Variants in VPS13A observed in about 807,000 individuals in gnomAD.
The protein encoded by VPS13A is intermembrane lipid transfer protein VPS13A.
VPS13A carries 264 observed loss-of-function variants against 390.9 expected under a neutral mutation model. The ratio of observed to expected loss-of-function variants is 0.68; its 90% confidence interval spans 0.61 to 0.75. The LOEUF is 0.75. Among genes scored for constraint, VPS13A ranks in the 30% least tolerant of loss-of-function variants. The pLI is 0.00. For missense variants in VPS13A, 3,409 were observed against 3,733.9 expected, an observed-to-expected ratio of 0.91 and a Z score of 2.27; for synonymous variants, 1,231 against 1,227.1, an observed-to-expected ratio of 1.00 and a Z score of -0.07.
intron 68 of VPS13A, chr9:77,382,564 G>A: frequency 1.7e-6 from 2 of 1,143,298 alleles, no homozygotes; most frequent in South Asian, 3.9e-5. Flanking sequence ...CATTTCTGTT[G>A]TGGGGTTATT....
Position 77,356,990 on chromosome 9 carries a change from C to T in VPS13A, c.7806+123C>T, listed in dbSNP as rs912027620. ...AAACAAAATAATCCTGTCATACATA[C>T]CTTGTATAAAATGTTTTAAAGAGGT... On this transcript the variant is annotated intron_variant, in intron 55 of 71. Coordinates refer to ENST00000360280, the MANE Select transcript of VPS13A (RefSeq NM_033305.3). 3.3e-5 allele frequency: 36 copies of T among 1,080,594 alleles called. No individual in the cohort carries two copies. The African/African-American group carries it at 5.1e-4, about 15-fold the overall frequency. 66.9% of individuals were successfully genotyped at this position (1,080,594 alleles called of 1,614,324 possible). A position where few individuals can be genotyped will look rare whatever the true frequency, so the allele number is the denominator to read the frequency against.
intron 1 of VPS13A, among the ~76,000 whole-genome samples, chr9:77,195,566 G>A (rs1397445012): frequency 2.0e-5 from 3 of 151,952 alleles, no homozygotes; most frequent in Non-Finnish European, 2.9e-5. Flanking sequence ...ACAAAACCCC[G>A]TCTCTACTAA....
chr9:77,194,999 C>G (rs1264840595), intron 1 of VPS13A, among the ~76,000 whole-genome samples: 1 of 151,814 alleles, frequency 6.6e-6, no homozygotes, highest in African/African-American at 2.4e-5. Flanking sequence ...TATTTTTTTT[C>G]TTTTGTTGCC....
Position 77,356,809 on chromosome 9 carries a change from A to G in VPS13A, c.7748A>G (p.Glu2583Gly). The change falls in exon 55 of 72, where the codon GAA becomes GGA. Residue 2583 changes from glutamate (E) to glycine (G), a missense_variant. Transcript: ENST00000360280. The stretch of plus-strand genomic sequence containing the variant: ...GAGAAGTTAGAGAGAGAATTTAAGG[A>G]ATATACTGAATCTTCTCCTTCAGAA... ...HTEKLEREFK[E>G]YTESSPSEDK... The G allele has an allele frequency of 1.2e-6, 2 of 1,613,890 alleles. No homozygotes were observed. Among genetic ancestry groups the G allele is most frequent in the Non-Finnish European group, 1.7e-6 (2 of 1,179,922 alleles).
rs55943354 is a variant in VPS13A at position 77,226,127 on chromosome 9, T to C, written c.1224+139T>C. ...TTGCTTTTTAGTATTATAAGAAAAT[T>C]ATTTAATATTTTTTGGCACATCCAT... On this transcript the variant is annotated intron_variant, in intron 14 of 71. Transcript: ENST00000360280. The C allele has an allele frequency of 0.072, 52,926 of 732,548 alleles. 2,428 individuals carry two copies. The highest frequency in any genetic ancestry group is 0.13 in the South Asian group (5,962 of 45,442). 45.4% of individuals were successfully genotyped at this position (732,548 alleles called of 1,614,324 possible).
At chr9:77,303,763 T>C (rs1453324815) in intron 34 of VPS13A, among the ~76,000 whole-genome samples, 1 of 152,228 alleles carries the variant, frequency 6.6e-6, no homozygotes, top group Non-Finnish European at 1.5e-5. Context: ...GCCAGATTTA[T>C]GTTTCTCTCC....
chr9:77,279,484 T>TG (rs1251281456), intron 26 of VPS13A, among the ~76,000 whole-genome samples: 1 of 152,050 alleles, frequency 6.6e-6, no homozygotes, highest in Non-Finnish European at 1.5e-5. Flanking sequence ...ACTAAGGCCT[T>TG]GGGCTTATAT....
At chr9:77,294,043 A>G (rs1000364101) in intron 32 of VPS13A, among the ~76,000 whole-genome samples, 17 of 152,056 alleles carry the variant, frequency 1.1e-4, no homozygotes, top group African/African-American at 3.6e-4. Flanking sequence ...AGCTGAGACT[A>G]CAGGCACATA....
chr9:77,275,326 A>G (rs1459685725), intron 24 of VPS13A, among the ~76,000 whole-genome samples, 172 bp from the exon 25 acceptor site: 2 of 152,180 alleles, frequency 1.3e-5, no homozygotes, highest in Non-Finnish European at 2.9e-5. Flanking sequence ...AAAATGGACA[A>G]TAAAAAAGTA....
Position 77,308,081 on chromosome 9 carries a change from C to T in VPS13A, c.4097C>T (p.Ala1366Val). The T allele has an allele frequency of 6.2e-7, 1 of 1,613,906 alleles. No homozygotes were observed. Among genetic ancestry groups the T allele is most frequent in the African/African-American group, 1.3e-5 (1 of 75,024 alleles). Residue 1366 changes from alanine (A) to valine (V), a missense_variant, in exon 35 of 72, where the codon GCT (alanine) becomes GTT (valine). Coordinates refer to ENST00000360280, the MANE Select transcript of VPS13A (RefSeq NM_033305.3). The stretch of plus-strand genomic sequence containing the variant: ...GCCACTAGTGGAGTTACTACTAATG[C>T]TTCACACCATTCAGGAGGTATGTTT... ...YSATSGVTTN[A>V]SHHSGGATVV... is the part of the protein sequence containing the mutation.
chr9:77,250,627 G>A (rs2131268482), intron 21 of VPS13A, among the ~76,000 whole-genome samples: 1 of 152,286 alleles, frequency 6.6e-6, no homozygotes, highest in Non-Finnish European at 1.5e-5. Context: ...AATGATATTG[G>A]TATTACTACA....
intron 67 of VPS13A, among the ~76,000 whole-genome samples, chr9:77,377,477 C>G (rs1231662923): frequency 1.3e-5 from 2 of 152,126 alleles, no homozygotes; most frequent in Non-Finnish European, 2.9e-5. Context: ...CCTCGGCCTC[C>G]CAAAGTGCTG....
At position 77,339,676 on chromosome 9, in the gene VPS13A, T is replaced by A; in HGVS notation, c.6539T>A (p.Phe2180Tyr). The change falls in exon 48 of 72, where the codon TTT becomes TAT. Residue 2180 changes from phenylalanine to tyrosine, a missense_variant. Transcript: ENST00000360280. ...HIKPNQQDISFVSFTCVTEME... is the reference protein window; with the variant it reads ...HIKPNQQDISYVSFTCVTEME... Reference sequence around the variant, plus strand: ...AAGCCTAATCAGCAAGACATTAGTTTTGTCAGTTTTACTTGTGTTACAGAA... The same window carrying A: ...AAGCCTAATCAGCAAGACATTAGTTATGTCAGTTTTACTTGTGTTACAGAA... The A allele has an allele frequency of 6.2e-7, 1 of 1,614,000 alleles. No homozygotes were observed. Among genetic ancestry groups the A allele is most frequent in the Non-Finnish European group, 8.5e-7 (1 of 1,179,952 alleles).
At chr9:77,301,303 A>AT (rs1828336282) in intron 33 of VPS13A, among the ~76,000 whole-genome samples, 1 of 152,218 alleles carries the variant, frequency 6.6e-6, no homozygotes, top group Admixed American at 6.5e-5. Context: ...ATTTATTCTG[A>AT]TATGGCTATT....
At chr9:77,234,745 C>T (rs944991073) in intron 17 of VPS13A, among the ~76,000 whole-genome samples, 1 of 152,106 alleles carries the variant, frequency 6.6e-6, no homozygotes, top group Non-Finnish European at 1.5e-5. Flanking sequence ...CTCAGTTCCT[C>T]AGTACTGTCT....
intron 68 of VPS13A, among the ~76,000 whole-genome samples, chr9:77,400,827 GAAA>G (rs60578931): frequency 3.0e-5 from 4 of 133,462 alleles, no homozygotes; most frequent in Non-Finnish European, 4.7e-5. Flanking sequence ...GACTCTGTCT[GAAA>G]AAAAAAAAAA....
Position 77,321,600 on chromosome 9 carries a change from C to A in VPS13A, c.5684C>A (p.Ser1895Tyr). The A allele has an allele frequency of 6.2e-7, 1 of 1,613,368 alleles. No homozygotes were observed. Among genetic ancestry groups the A allele is most frequent in the South Asian group, 1.1e-5 (1 of 91,054 alleles). The change falls in exon 44 of 72, where the codon TCT becomes TAT. Residue 1895 changes from serine to tyrosine, a missense_variant. Transcript: ENST00000360280. ...GLTISVSPSD[S>Y]FSVLNIPMAK... Reference sequence around the variant, plus strand: ...ACTATTTCTGTTTCGCCAAGTGATTCTTTTAGTGTACTCAACATTCCTATG... The same window carrying A: ...ACTATTTCTGTTTCGCCAAGTGATTATTTTAGTGTACTCAACATTCCTATG...
In VPS13A at chr9:77,369,383, G is replaced by A. The variant is rs749862483; in HGVS notation, c.8638G>A (p.Val2880Ile). ...FGLIREFSEG[V>I]EAFFYEPYQG... is the part of the protein sequence containing the mutation. The stretch of plus-strand genomic sequence containing the variant: ...CTTAATTAGAGAATTTTCTGAAGGT[G>A]TAGAAGCATTTTTTTATGAACCTTA... Residue 2880 changes from valine to isoleucine, a missense_variant, in exon 63 of 72, where the codon GTA (valine) becomes ATA (isoleucine). Coordinates refer to ENST00000360280, the MANE Select transcript of VPS13A (RefSeq NM_033305.3). 6 of 1,612,898 alleles carry A rather than the reference G, an allele frequency of 3.7e-6. No individual in the cohort carries two copies. In the Admixed American group the frequency reaches 1.0e-4, roughly 27 times the overall value.
chr9:77,375,779 ATTAT>A (rs1833034948), intron 67 of VPS13A, among the ~76,000 whole-genome samples: 1 of 152,198 alleles, frequency 6.6e-6, no homozygotes, highest in Admixed American at 6.5e-5. Flanking sequence ...AACATAAATA[ATTAT>A]TCAGCACATT....
Sources: gnomAD v4.1 joint callset for allele counts (sites outside exome capture counted in the v4.1 genomes callset) on GRCh38, gnomAD v4.1.1 for gene constraint, MANE v1.5 for transcripts, NCBI Gene and HGNC (gene_info 2026-07-23, HGNC 2026-07-21) for gene names.